The following TTL variants were observed in gnomAD, a reference collection of about 807,000 sequenced individuals.
TTL encodes the protein tubulin tyrosine ligase.
TTL carries 10 observed loss-of-function variants against 41.1 expected under a neutral mutation model. The observed-to-expected ratio is 0.24, with a 90% confidence interval of 0.15 to 0.41. The LOEUF (loss-of-function observed/expected upper bound fraction) is 0.41. Among genes scored for constraint, TTL ranks in the 10% least tolerant of loss-of-function variants. The pLI, the probability that TTL is intolerant of heterozygous loss-of-function variation, is 1.00. For missense variants in TTL, 367 were observed against 460.4 expected (o/e 0.80, Z 1.86); for synonymous variants, 175 against 175.5 (o/e 1.00, Z 0.02).
intron 5 of TTL, among the ~76,000 whole-genome samples, chr2:112,515,670 A>G (rs1682048997): frequency 6.6e-6 from 1 of 152,198 alleles, no homozygotes; most frequent in Non-Finnish European, 1.5e-5. Context: ...CTGCCAGGCC[A>G]GGTGCGACGG....
At chr2:112,507,856 TATG>T (rs1681832683) in intron 5 of TTL, among the ~76,000 whole-genome samples, 1 of 114,326 alleles carries the variant, frequency 8.7e-6, no homozygotes, top group African/African-American at 3.8e-5. Flanking sequence ...ATCCTGTCAT[TATG>T]ATGTTAGCTG....
chr2:112,526,487 G>T (rs1230833741), intron 6 of TTL, among the ~76,000 whole-genome samples: 2 of 152,174 alleles, frequency 1.3e-5, no homozygotes, highest in African/African-American at 4.8e-5. Context: ...TCTATTCAGG[G>T]ATTCAACTTC....
At position 112,540,082 on chromosome 2, in the gene TTL, C is replaced by T. The variant is rs1039004779; in HGVS notation, c.*11287C>T. 1 of 152,152 alleles carries T rather than the reference C, an allele frequency of 6.6e-6. No individual in the cohort carries two copies. The highest frequency in any genetic ancestry group is 2.4e-5 in the African/African-American group (1 of 41,428). 9.4% of individuals were successfully genotyped at this position (152,152 alleles called of 1,614,324 possible). ...TAATTATTGTTAGGATGAAAATAGGCCCCAAATTGATCTACCAATTGAACA... is the reference window on the plus strand; with the variant it reads ...TAATTATTGTTAGGATGAAAATAGGTCCCAAATTGATCTACCAATTGAACA... On this transcript the variant is annotated 3_prime_UTR_variant, in exon 7 of 7. Transcript: ENST00000233336.
At position 112,482,559 on chromosome 2, in the gene TTL, C is replaced by T; in HGVS notation, c.157+58C>T. The stretch of plus-strand genomic sequence containing the variant: ...TCGGAGCGGCCCTGCGCGCCTCCCG[C>T]GGCCCGTTAGAACCGGCGCTTTTGT... On this transcript the variant is annotated intron_variant, in intron 1 of 6. Coordinates refer to ENST00000233336, the MANE Select transcript of TTL (RefSeq NM_153712.5). This position sits in a 1 kb window ranked among gnomAD's most constrained non-coding sequence, Gnocchi z 5.3. 2 of 1,511,074 alleles carry T rather than the reference C, an allele frequency of 1.3e-6. No individual in the cohort carries two copies. Among genetic ancestry groups the T allele is most frequent in the African/African-American group, 2.8e-5 (2 of 70,400 alleles). 93.6% of individuals were successfully genotyped at this position (1,511,074 alleles called of 1,614,324 possible).
Position 112,532,770 on chromosome 2 carries a change from A to AAAAAATAAAAAACTATTCTTG in TTL, c.*3975_*3976insAAAAATAAAAAACTATTCTTG, listed in dbSNP as rs60219872. 2 of 161,834 alleles carry AAAAAATAAAAAACTATTCTTG rather than the reference A, an allele frequency of 1.2e-5. No individual in the cohort carries two copies. Among genetic ancestry groups the AAAAAATAAAAAACTATTCTTG allele is most frequent in the Non-Finnish European group, 2.7e-5 (2 of 73,646 alleles). 10.0% of individuals were successfully genotyped at this position (161,834 alleles called of 1,614,324 possible). A position where few individuals can be genotyped will look rare whatever the true frequency, so the allele number is the denominator to read the frequency against. ...CTTTTTGTTTTTTTCTCCAACTCTT[A>AAAAAATAAAAAACTATTCTTG]GCTCATAGGCCGTATAAAAGCAGGC... is the stretch of plus-strand genomic sequence containing the variant. On this transcript the variant is annotated 3_prime_UTR_variant, in exon 7 of 7. Transcript: ENST00000233336.
rs79497283 is a variant in TTL, at chr2:112,531,200, T to C, written c.*2405T>C. On this transcript the variant is annotated 3_prime_UTR_variant, in exon 7 of 7. Transcript: ENST00000233336. ...ATTGGTTCAGAACTGTTCCTTTCCC[T>C]TCCATGATGTCCTTGACACAGAAGG... The C allele has an allele frequency of 6.7e-3, 1,475 of 221,028 alleles. 21 individuals carry two copies. Among genetic ancestry groups the C allele is most frequent in the African/African-American group, 0.03 (1,350 of 44,760 alleles). The allele number at this position is 221,028 out of a possible 1,614,324, so 13.7% of individuals were successfully genotyped here.
Position 112,502,966 on chromosome 2 carries a change from G to C in TTL, c.660G>C (p.Val220=). ...QYNIYLYREG[V]LRTASEPYHV... ...ATATCTACCTCTATAGAGAGGGTGTGCTTCGGACTGCTTCAGAACCATATC... is the reference window on the plus strand; with the variant it reads ...ATATCTACCTCTATAGAGAGGGTGTCCTTCGGACTGCTTCAGAACCATATC... The change falls in exon 5 of 7, where the codon GTG becomes GTC. Residue 220 remains valine (V), a synonymous_variant. Transcript: ENST00000233336. The C allele has an allele frequency of 1.9e-6, 3 of 1,614,030 alleles. No individual in the cohort carries two copies. The highest frequency in any genetic ancestry group is 2.5e-6 in the Non-Finnish European group (3 of 1,179,994).
chr2:112,501,627 G>A (rs902979875), intron 4 of TTL, among the ~76,000 whole-genome samples: 3 of 152,014 alleles, frequency 2.0e-5, no homozygotes, highest in African/African-American at 4.8e-5. Context: ...CAGCACTTTG[G>A]GAGGCCAGGG....
rs1365145906 is a variant in TTL, at chr2:112,533,781, A to T, written c.*4986A>T. The T allele has an allele frequency of 1.3e-5, 2 of 152,188 alleles. No individual in the cohort carries two copies. Among genetic ancestry groups the T allele is most frequent in the African/African-American group, 4.8e-5 (2 of 41,440 alleles). The allele number at this position is 152,188 out of a possible 1,614,324, so 9.4% of individuals were successfully genotyped here. A position where few individuals can be genotyped will look rare whatever the true frequency, so the allele number is the denominator to read the frequency against. ...CCACCTCTCAACACTATTGCAGTAGAGATTAAGTTTCCAACACATTTACTT... is the reference window on the plus strand; with the variant it reads ...CCACCTCTCAACACTATTGCAGTAGTGATTAAGTTTCCAACACATTTACTT... On this transcript the variant is annotated 3_prime_UTR_variant, in exon 7 of 7. Coordinates refer to ENST00000233336, the MANE Select transcript of TTL (RefSeq NM_153712.5).
chr2:112,496,665 C>CTGTGTGTGTGTGTGTGTG, intron 3 of TTL, among the ~76,000 whole-genome samples: 1 of 106,052 alleles, frequency 9.4e-6, no homozygotes, highest in Non-Finnish European at 1.8e-5. Flanking sequence ...ATATATGTGT[C>CTGTGTGTGTGTGTGTGTG]TGTGTGTGTG....
At chr2:112,516,350 TC>T (rs1682069413) in intron 5 of TTL, among the ~76,000 whole-genome samples, 1 of 152,164 alleles carries the variant, frequency 6.6e-6, no homozygotes, top group Non-Finnish European at 1.5e-5. Flanking sequence ...ACTTGTCCTT[TC>T]CCCGCTGCAT....
intron 5 of TTL, among the ~76,000 whole-genome samples, chr2:112,516,119 G>T (rs1682063167): frequency 6.6e-6 from 1 of 152,090 alleles, no homozygotes; most frequent in African/African-American, 2.4e-5. Flanking sequence ...GCTTTTCCCA[G>T]TGTTACATCT....
rs1682626757 is a variant in TTL, at chr2:112,537,807, ATAGC to A, written c.*9016_*9019del. ...GAACCCTCAAAACTCCATTTCAATA[ATAGC>A]TAGAGCAACTAGGCAGAAGATCAAC... On this transcript the variant is annotated 3_prime_UTR_variant, in exon 7 of 7. Coordinates refer to ENST00000233336, the MANE Select transcript of TTL (RefSeq NM_153712.5). 1 of 152,356 alleles carries A rather than the reference ATAGC, an allele frequency of 6.6e-6. No individual in the cohort carries two copies. The highest frequency in any genetic ancestry group is 2.1e-4 in the South Asian group (1 of 4,826). 9.4% of individuals were successfully genotyped at this position (152,356 alleles called of 1,614,324 possible). A position where few individuals can be genotyped will look rare whatever the true frequency, so the allele number is the denominator to read the frequency against.
chr2:112,521,548 C>T (rs1236736415), intron 6 of TTL, among the ~76,000 whole-genome samples: 1 of 152,186 alleles, frequency 6.6e-6, no homozygotes, highest in African/African-American at 2.4e-5. Flanking sequence ...GTCAACACAC[C>T]AAAGTTGTTC....
intron 4 of TTL, among the ~76,000 whole-genome samples, chr2:112,501,891 T>C (rs1316346521): frequency 3.3e-5 from 5 of 151,400 alleles, no homozygotes; most frequent in Non-Finnish European, 2.9e-5. Flanking sequence ...AAAAATCTTT[T>C]CTATAAAAAT....
In TTL at chr2:112,536,516, A is replaced by G. The variant is rs1225466002; in HGVS notation, c.*7721A>G. On this transcript the variant is annotated 3_prime_UTR_variant, in exon 7 of 7. Transcript: ENST00000233336. ...AAACTTTAAGAAAAAAATTGTTTCT[A>G]TAGACAAAGAAGGACTTTTTTTTAA... 2.0e-5 allele frequency: 3 copies of G among 152,256 alleles called. No individual in the cohort carries two copies. The highest frequency in any genetic ancestry group is 2.1e-4 in the South Asian group (1 of 4,836). 9.4% of individuals were successfully genotyped at this position (152,256 alleles called of 1,614,324 possible). A position where few individuals can be genotyped will look rare whatever the true frequency, so the allele number is the denominator to read the frequency against.
Position 112,537,739 on chromosome 2 carries a change from A to G in TTL, c.*8944A>G, listed in dbSNP as rs1484185343. On this transcript the variant is annotated 3_prime_UTR_variant, in exon 7 of 7. Coordinates refer to ENST00000233336, the MANE Select transcript of TTL (RefSeq NM_153712.5). ...CTAAAGATACATGACATAAAAACTT[A>G]GAGAATTGAAGGAAGAAACAGACAA... 6.6e-6 allele frequency: 1 copy of G among 152,254 alleles called. No homozygotes were observed. Among genetic ancestry groups the G allele is most frequent in the African/African-American group, 2.4e-5 (1 of 41,472 alleles). The allele number at this position is 152,254 out of a possible 1,614,324, so 9.4% of individuals were successfully genotyped here.
intron 6 of TTL, among the ~76,000 whole-genome samples, chr2:112,526,953 C>T (rs1682388990): frequency 1.3e-5 from 2 of 152,210 alleles, no homozygotes; most frequent in Admixed American, 1.3e-4. Context: ...CTACCCACTG[C>T]TTTAAATGTG....
chr2:112,534,529 A>C lies in TTL; in HGVS notation c.*5734A>C, dbSNP rs1026725715. 6.6e-5 allele frequency: 10 copies of C among 152,484 alleles called. No homozygotes were observed. The highest frequency in any genetic ancestry group is 1.3e-4 in the Non-Finnish European group (9 of 68,032). 9.4% of individuals were successfully genotyped at this position (152,484 alleles called of 1,614,324 possible). On this transcript the variant is annotated 3_prime_UTR_variant, in exon 7 of 7. Coordinates refer to ENST00000233336, the MANE Select transcript of TTL (RefSeq NM_153712.5). ...AACTCCTCCAAAGCTTCATTACCAG[A>C]GAATTGCCATTTGGCCTTTTTGGTA... is the stretch of plus-strand genomic sequence containing the variant.
Sources: allele counts gnomAD v4.1 joint callset (sites outside exome capture counted in the v4.1 genomes callset), GRCh38; gene constraint gnomAD v4.1.1; non-coding constraint Gnocchi (gnomAD v3.1); transcripts MANE v1.5; gene names NCBI Gene and HGNC (gene_info 2026-07-23, HGNC 2026-07-21).